BBX: variants seen among roughly 807,000 people sequenced by gnomAD.
BBX encodes the protein BBX high mobility group box domain containing.
A neutral mutation model predicts 100.2 loss-of-function variants in BBX; 30 were observed. The ratio of observed to expected loss-of-function variants is 0.30; its 90% CI spans 0.22 to 0.41. The LOEUF (loss-of-function observed/expected upper bound fraction) is 0.41. Among genes scored for constraint, BBX ranks in the 10% least tolerant of loss-of-function variants. The probability of loss-of-function intolerance (pLI) is 1.00; values close to 1 mark genes in which losing one functional copy is unlikely to be tolerated. For missense variants in BBX, 1,023 were observed against 1,129.8 expected (o/e 0.91, Z 1.35); for synonymous variants, 376 against 388.1 (o/e 0.97, Z 0.37).
At chr3:107,694,663 G>A (rs2060447013) in intron 3 of BBX, among the ~76,000 whole-genome samples, 1 of 148,516 alleles carries the variant, frequency 6.7e-6, no homozygotes, top group Non-Finnish European at 1.5e-5. Flanking sequence ...TCTCTTTTTT[G>A]GTTGTGTCTC....
chr3:107,749,408 A>AT (rs912841542), intron 9 of BBX, among the ~76,000 whole-genome samples: 16 of 152,040 alleles, frequency 1.1e-4, no homozygotes, highest in African/African-American at 3.9e-4. Context: ...TTTCAGAAAC[A>AT]TTTTTTTCAA....
intron 2 of BBX, among the ~76,000 whole-genome samples, chr3:107,545,996 C>G (rs973678096): frequency 1.3e-5 from 2 of 152,168 alleles, no homozygotes; most frequent in Non-Finnish European, 2.9e-5. Flanking sequence ...TTTATCGTAG[C>G]TCAAAGGTGC....
chr3:107,716,758 T>G lies in BBX; in HGVS notation c.314T>G (p.Leu105Arg), dbSNP rs141068105. 3.0e-4 allele frequency: 484 copies of G among 1,613,826 alleles called. 1 individual carries two copies. In the African/African-American group the frequency reaches 6.0e-3, roughly 20 times the overall value. The change falls in exon 5 of 18, where the codon CTT becomes CGT. Residue 105 changes from leucine (L) to arginine (R), a missense_variant. By Grantham distance (102) the Leu-to-Arg change is moderately radical. Transcript: ENST00000325805. ...CTTGTACGTCAGGAACACCCCAGGC[T>G]TGATAACCGAGGTGCTACCAAGATA... ...RSLVRQEHPR[L>R]DNRGATKILA... is the part of the protein sequence containing the mutation.
intron 9 of BBX, among the ~76,000 whole-genome samples, chr3:107,749,135 G>A (rs115406955): frequency 0.01 from 1,560 of 152,102 alleles, 18 homozygotes; most frequent in African/African-American, 0.035. Context: ...TATAAAATTG[G>A]TAACAAAAAT....
At chr3:107,567,873 C>A (rs1405188212) in intron 2 of BBX, among the ~76,000 whole-genome samples, 1 of 151,172 alleles carries the variant, frequency 6.6e-6, no homozygotes, top group African/African-American at 2.4e-5. Context: ...TTGTGGTTGC[C>A]TTTATATTAT....
chr3:107,564,723 A>G (rs755315851), intron 2 of BBX, among the ~76,000 whole-genome samples: 2 of 152,250 alleles, frequency 1.3e-5, no homozygotes, highest in African/African-American at 2.4e-5. Flanking sequence ...TCAATTTATT[A>G]TTGTATTTCT....
At chr3:107,620,940 G>T (rs1043594354) in intron 2 of BBX, among the ~76,000 whole-genome samples, 5 of 149,250 alleles carry the variant, frequency 3.4e-5, no homozygotes, top group Non-Finnish European at 5.9e-5. Flanking sequence ...CGGAGTGTGT[G>T]TGTGGGGGGG....
intron 2 of BBX, among the ~76,000 whole-genome samples, chr3:107,599,925 T>TGG (rs1559858854): frequency 6.6e-6 from 1 of 152,128 alleles, no homozygotes; most frequent in Non-Finnish European, 1.5e-5. Context: ...CAAAGATTAA[T>TGG]GAGAGACTCC....
At chr3:107,636,931 G>C (rs988118082) in intron 2 of BBX, among the ~76,000 whole-genome samples, 16 of 152,100 alleles carry the variant, frequency 1.1e-4, no homozygotes, top group African/African-American at 3.9e-4. Context: ...TTGGTACTAG[G>C]TGTTTCTAGT....
At chr3:107,581,658 T>C (rs986158067) in intron 2 of BBX, among the ~76,000 whole-genome samples, 2 of 152,174 alleles carry the variant, frequency 1.3e-5, no homozygotes, top group Non-Finnish European at 2.9e-5. Flanking sequence ...TATACACTGC[T>C]TCATACTCCG....
At position 107,628,125 on chromosome 3, in the gene BBX, G is replaced by A. The variant is rs573591216; in HGVS notation, c.-83-17711G>A. The stretch of plus-strand genomic sequence containing the variant: ...TCAGTAGACTATCTTGATTTATCAT[G>A]GTATTTATAAGTATTTGGCCACTGG... On this transcript the variant is annotated intron_variant, in intron 2 of 17. Coordinates refer to ENST00000325805, the MANE Select transcript of BBX (RefSeq NM_001142568.3). Among the ~76,000 whole-genome samples, 4 of 151,998 alleles carry A rather than the reference G, an allele frequency of 2.6e-5. No homozygotes were observed. The South Asian group carries it at 6.2e-4, about 24-fold the overall frequency.
chr3:107,632,787 A>G (rs1416964412), intron 2 of BBX, among the ~76,000 whole-genome samples: 1 of 152,268 alleles, frequency 6.6e-6, no homozygotes, highest in East Asian at 1.9e-4. Flanking sequence ...AGCTAAAAAT[A>G]TGCTGAAAAG....
At chr3:107,680,946 A>G (rs2059542018) in intron 3 of BBX, among the ~76,000 whole-genome samples, 1 of 152,072 alleles carries the variant, frequency 6.6e-6, no homozygotes, top group Non-Finnish European at 1.5e-5. Flanking sequence ...AGTGTTTTTC[A>G]CTGGATTTTG....
At chr3:107,558,027 G>T (rs115211780) in intron 2 of BBX, among the ~76,000 whole-genome samples, 2,901 of 152,320 alleles carry the variant, frequency 0.019, 73 homozygotes, top group African/African-American at 0.065. Context: ...GCAGCAGTCT[G>T]TGGTTTAATA....
intron 2 of BBX, among the ~76,000 whole-genome samples, chr3:107,551,846 ATTTT>A (rs1332806601): frequency 6.6e-6 from 1 of 152,194 alleles, no homozygotes. Flanking sequence ...AAATTGAAAT[ATTTT>A]AAAATTCAGA....
chr3:107,567,797 T>A (rs1029586740), intron 2 of BBX, among the ~76,000 whole-genome samples: 1 of 152,222 alleles, frequency 6.6e-6, no homozygotes, highest in Non-Finnish European at 1.5e-5. Flanking sequence ...CTTGGAATGA[T>A]TAAGTTGTCT....
chr3:107,775,790 G>A (rs2067277805), intron 12 of BBX, among the ~76,000 whole-genome samples: 1 of 151,964 alleles, frequency 6.6e-6, no homozygotes, highest in African/African-American at 2.4e-5. Flanking sequence ...TAAGGCTCTA[G>A]GTCATCACAA....
chr3:107,781,157 T>C (rs1429522065), intron 13 of BBX, among the ~76,000 whole-genome samples: 2 of 152,028 alleles, frequency 1.3e-5, no homozygotes, highest in African/African-American at 4.8e-5. Context: ...TATCTCAAAG[T>C]CATAGTACCT....
chr3:107,594,180 A>G (rs1165959884), intron 2 of BBX, among the ~76,000 whole-genome samples: 2 of 152,048 alleles, frequency 1.3e-5, no homozygotes, highest in South Asian at 2.1e-4. Flanking sequence ...AAATTTTTTT[A>G]TATGTAAGTT....
Sources: gnomAD v4.1 joint callset for allele counts (sites outside exome capture counted in the v4.1 genomes callset) on GRCh38, gnomAD v4.1.1 for gene constraint, MANE v1.5 for transcripts, NCBI Gene and HGNC (gene_info 2026-07-23, HGNC 2026-07-21) for gene names.